Variants in GALNTL6 observed in about 807,000 individuals in gnomAD.
GALNTL6 encodes polypeptide N-acetylgalactosaminyltransferase-like 6.
Under a neutral mutation model 73.7 loss-of-function variants are expected in GALNTL6, and 46 were observed. That is an observed-to-expected ratio of 0.62 (90% CI 0.49 to 0.80). GALNTL6 has a LOEUF of 0.80. Ranked by LOEUF, GALNTL6 falls within the 30% of genes least tolerant of loss-of-function variation. The probability of loss-of-function intolerance (pLI) is 0.00; values close to 1 mark genes in which losing one functional copy is unlikely to be tolerated. For missense variants in GALNTL6, 604 were observed against 755.0 expected, an observed-to-expected ratio of 0.80 and a Z score of 2.34; for synonymous variants, 259 against 263.7, an observed-to-expected ratio of 0.98 and a Z score of 0.17.
chr4:172,761,966 A>T (rs1004984143), intron 5 of GALNTL6, among the ~76,000 whole-genome samples: 1 of 152,222 alleles, frequency 6.6e-6, no homozygotes. Flanking sequence ...GCTAGTATAC[A>T]GTGCAAAGTG....
At chr4:172,243,446 A>G (rs548221582) in intron 3 of GALNTL6, among the ~76,000 whole-genome samples, 1 of 152,292 alleles carries the variant, frequency 6.6e-6, no homozygotes, top group East Asian at 1.9e-4. Context: ...CATGAAATAT[A>G]ACCAATTGTC....
At chr4:172,444,611 T>C (rs1325587777) in intron 5 of GALNTL6, among the ~76,000 whole-genome samples, 3 of 152,172 alleles carry the variant, frequency 2.0e-5, no homozygotes, top group Non-Finnish European at 4.4e-5. Context: ...TTTTCAAAAG[T>C]TGCTGTGCCA....
At chr4:172,565,083 T>C (rs1579194152) in intron 5 of GALNTL6, among the ~76,000 whole-genome samples, 1 of 152,312 alleles carries the variant, frequency 6.6e-6, no homozygotes, top group Non-Finnish European at 1.5e-5. Flanking sequence ...GTTGCTGTGC[T>C]CTCACATGGA....
intron 5 of GALNTL6, among the ~76,000 whole-genome samples, chr4:172,534,017 T>A (rs1735257446): frequency 6.6e-6 from 1 of 152,102 alleles, no homozygotes; most frequent in South Asian, 2.1e-4. Flanking sequence ...ATATAGGAAA[T>A]ACTAGTAGGG....
intron 7 of GALNTL6, among the ~76,000 whole-genome samples, chr4:172,819,983 C>A (rs1263417111): frequency 6.6e-6 from 1 of 152,220 alleles, no homozygotes; most frequent in Non-Finnish European, 1.5e-5. Context: ...CATCACTGAC[C>A]TTTACCAGTC....
At chr4:172,494,965 G>A (rs920851391) in intron 5 of GALNTL6, among the ~76,000 whole-genome samples, 8 of 152,140 alleles carry the variant, frequency 5.3e-5, no homozygotes, top group Non-Finnish European at 1.2e-4. Context: ...TTGCAATCAA[G>A]TTGACACTCA....
chr4:172,883,040 C>A, intron 8 of GALNTL6, 133 bp downstream of exon 8: 1 of 553,858 alleles, frequency 1.8e-6, no homozygotes, highest in African/African-American at 2.0e-5. Flanking sequence ...CCCAAGTGAG[C>A]TCTTGTAGTT....
intron 12 of GALNTL6, among the ~76,000 whole-genome samples, chr4:173,031,547 A>T (rs2126534444): frequency 6.6e-6 from 1 of 152,296 alleles, no homozygotes; most frequent in Middle Eastern, 3.4e-3. Context: ...TGAATGAATG[A>T]ATAAGTGAAT....
In GALNTL6 at chr4:171,965,432, G is replaced by A. The variant is rs185306116; in HGVS notation, c.138+150714G>A. 6.6e-3 allele frequency among the ~76,000 whole-genome samples: 1,007 copies of A among 151,968 alleles called. 17 individuals carry two copies. Among genetic ancestry groups the A allele is most frequent in the African/African-American group, 0.023 (959 of 41,464 alleles). On this transcript the variant is annotated intron_variant, in intron 2 of 12. Transcript: ENST00000506823. Reference sequence around the variant, plus strand: ...AGCACTTTGGGAAACCGAGGCGGGCGGATCACAAGGTCAGGAGATCGAGAC... The same window carrying A: ...AGCACTTTGGGAAACCGAGGCGGGCAGATCACAAGGTCAGGAGATCGAGAC...
chr4:172,339,850 T>A (rs1741499351), intron 4 of GALNTL6, among the ~76,000 whole-genome samples: 1 of 152,214 alleles, frequency 6.6e-6, no homozygotes, highest in Non-Finnish European at 1.5e-5. Context: ...GTCTTCTTTT[T>A]GGGATCTGGG....
chr4:172,325,176 G>T (rs1740899856), intron 4 of GALNTL6, among the ~76,000 whole-genome samples: 1 of 151,408 alleles, frequency 6.6e-6, no homozygotes, highest in South Asian at 2.1e-4. Flanking sequence ...CTTTCAACAA[G>T]CATTTAAATT....
chr4:172,281,531 C>T (rs1739055692), intron 3 of GALNTL6, among the ~76,000 whole-genome samples: 3 of 151,494 alleles, frequency 2.0e-5, no homozygotes, highest in South Asian at 2.1e-4. Context: ...CCTGTCTCTA[C>T]TAAAAAAAAA....
chr4:172,844,989 G>T (rs1289799094), intron 7 of GALNTL6, among the ~76,000 whole-genome samples: 2 of 152,132 alleles, frequency 1.3e-5, no homozygotes, highest in African/African-American at 4.8e-5. Context: ...GCCAAGGCCG[G>T]CAGGTCATGA....
intron 2 of GALNTL6, among the ~76,000 whole-genome samples, chr4:171,955,413 C>T (rs1739013707): frequency 6.6e-6 from 1 of 151,592 alleles, no homozygotes; most frequent in Admixed American, 6.6e-5. Flanking sequence ...CACACACATA[C>T]AGTTGACCCC....
At chr4:172,567,788 A>G (rs531964447) in intron 5 of GALNTL6, among the ~76,000 whole-genome samples, 2 of 152,270 alleles carry the variant, frequency 1.3e-5, no homozygotes, top group African/African-American at 4.8e-5. Flanking sequence ...GTAAGCCAAG[A>G]TAGTGCCACT....
intron 9 of GALNTL6, among the ~76,000 whole-genome samples, chr4:172,936,403 T>C (rs894667823): frequency 2.0e-5 from 3 of 151,862 alleles, no homozygotes; most frequent in African/African-American, 4.8e-5. Context: ...CACTCCAACA[T>C]AGTATTGGAA....
chr4:172,549,963 T>G (rs1735898571), intron 5 of GALNTL6, among the ~76,000 whole-genome samples: 1 of 152,194 alleles, frequency 6.6e-6, no homozygotes, highest in African/African-American at 2.4e-5. Context: ...TATCTTTCCG[T>G]GTCAGTAATA....
chr4:172,295,392 A>G (rs1300028982), intron 3 of GALNTL6, among the ~76,000 whole-genome samples: 2 of 147,920 alleles, frequency 1.4e-5, no homozygotes, highest in Non-Finnish European at 3.0e-5. Flanking sequence ...ACTGCACTCG[A>G]GCCTGGGCAA....
intron 2 of GALNTL6, among the ~76,000 whole-genome samples, chr4:171,956,520 G>A (rs568560175): frequency 1.9e-4 from 29 of 152,166 alleles, no homozygotes; most frequent in South Asian, 8.3e-4. Context: ...CTGCCAATAC[G>A]TTTAGCAAAA....
Sources: gnomAD v4.1 joint callset for allele counts (sites outside exome capture counted in the v4.1 genomes callset) on GRCh38, gnomAD v4.1.1 for gene constraint, MANE v1.5 for transcripts, NCBI Gene and HGNC (gene_info 2026-07-23, HGNC 2026-07-21) for gene names.